MICU2: variants seen among roughly 807,000 people sequenced by gnomAD.
MICU2 encodes calcium uptake protein 2, mitochondrial.
In MICU2, 64 loss-of-function variants were observed where a neutral mutation model predicts 60.4. The observed-to-expected ratio is 1.06, with a 90% CI of 0.87 to 1.31. The LOEUF is 1.31. Among genes scored for constraint, MICU2 ranks in the 50% most tolerant of loss-of-function variants. The probability of loss-of-function intolerance (pLI) is 0.00; values close to 1 mark genes in which losing one functional copy is unlikely to be tolerated. For synonymous variants in MICU2, 201 were observed against 175.0 expected (o/e 1.15, Z -1.17); for missense variants, 569 against 531.0 (o/e 1.07, Z -0.70).
intron 2 of MICU2, among the ~76,000 whole-genome samples, chr13:21,564,428 C>A (rs1887925489): frequency 6.6e-6 from 1 of 152,102 alleles, no homozygotes; most frequent in Admixed American, 6.5e-5. Flanking sequence ...GAGGTAAGTT[C>A]TTTCAGTACT....
At chr13:21,602,574 G>A (rs533115669) in intron 1 of MICU2, among the ~76,000 whole-genome samples, 24 of 152,110 alleles carry the variant, frequency 1.6e-4, no homozygotes, top group African/African-American at 4.6e-4. Flanking sequence ...GATGAATCTA[G>A]GGGAGAGAAA....
At position 21,493,320 on chromosome 13, in the gene MICU2, T is replaced by C. The variant is rs1037474275; in HGVS notation, c.1234A>G (p.Lys412Glu). 8.1e-6 allele frequency: 13 copies of C among 1,610,532 alleles called. No individual in the cohort carries two copies. Among genetic ancestry groups the C allele is most frequent in the Non-Finnish European group, 1.1e-5 (13 of 1,178,686 alleles). The change falls in exon 12 of 12, where the codon AAG becomes GAG. Residue 412 changes from lysine (K) to glutamate (E), a missense_variant. Transcript: ENST00000382374. ...PQHQSIQEYW[K>E]CVKKESIKGV... ...TTAATGCTTTCTTTCTTCACACACT[T>C]CCAGTATTCTTGTATACTCTGATGT...
intron 2 of MICU2, among the ~76,000 whole-genome samples, 166 bp downstream of exon 2, chr13:21,566,631 T>C (rs1887988883): frequency 6.6e-6 from 1 of 151,982 alleles, no homozygotes; most frequent in African/African-American, 2.4e-5. Context: ...ATTTCTAAGA[T>C]AAATATAAAA....
intron 9 of MICU2, among the ~76,000 whole-genome samples, chr13:21,501,158 G>A (rs1347960988): frequency 6.6e-6 from 1 of 151,932 alleles, no homozygotes; most frequent in Non-Finnish European, 1.5e-5. Context: ...TTTTTCATAT[G>A]CTTAAGTCTA....
intron 1 of MICU2, among the ~76,000 whole-genome samples, chr13:21,574,465 T>C (rs1388056311): frequency 6.6e-6 from 1 of 152,214 alleles, no homozygotes; most frequent in African/African-American, 2.4e-5. Context: ...ATAAAAGAGA[T>C]CTTTGAAAGC....
chr13:21,544,515 T>TGA (rs1566154616), intron 2 of MICU2, among the ~76,000 whole-genome samples: 6 of 3,698 alleles, frequency 1.6e-3, no homozygotes, highest in Non-Finnish European at 7.0e-4. Flanking sequence ...AATAAACACA[T>TGA]GAAAAAAAAA....
intron 2 of MICU2, among the ~76,000 whole-genome samples, chr13:21,557,098 G>A (rs773040682): frequency 3.3e-5 from 5 of 152,180 alleles, no homozygotes; most frequent in Non-Finnish European, 7.3e-5. Context: ...TGGGAATGAT[G>A]GGATAGTTGA....
intron 8 of MICU2, among the ~76,000 whole-genome samples, chr13:21,506,391 C>A (rs994831569): frequency 3.9e-5 from 6 of 152,186 alleles, no homozygotes; most frequent in African/African-American, 1.4e-4. Context: ...AGGCCTTCTT[C>A]AAGTATGGCT....
chr13:21,595,682 T>C (rs1888677439), intron 1 of MICU2, among the ~76,000 whole-genome samples: 1 of 152,230 alleles, frequency 6.6e-6, no homozygotes, highest in South Asian at 2.1e-4. Context: ...CTTCCACCAA[T>C]GGTAGGCTCC....
chr13:21,585,341 G>A (rs1306908698), intron 1 of MICU2, among the ~76,000 whole-genome samples: 2 of 152,180 alleles, frequency 1.3e-5, no homozygotes, highest in East Asian at 3.8e-4. Context: ...TTGCAAGAAA[G>A]CTTTAGTCTT....
In MICU2 at chr13:21,604,104, G is replaced by A; in HGVS notation, c.45C>T (p.Gly15=). 6.3e-7 allele frequency: 1 copy of A among 1,584,082 alleles called. No homozygotes were observed. Among genetic ancestry groups the A allele is most frequent in the South Asian group, 1.1e-5 (1 of 88,004 alleles). Residue 15 remains glycine, a synonymous_variant, in exon 1 of 12, where the codon GGC becomes GGT. Transcript: ENST00000382374. The stretch of plus-strand genomic sequence containing the variant: ...CAGCGAGCCCCCGTCGCAGTTTTCC[G>A]CCCCAGGCCGCCACCCGCGCGCAGC... The part of the protein sequence containing the change: ...AGSCARVAAW[G]GKLRRGLAVS...
chr13:21,584,924 T>C (rs1888426155), intron 1 of MICU2, among the ~76,000 whole-genome samples: 2 of 152,214 alleles, frequency 1.3e-5, no homozygotes, highest in African/African-American at 4.8e-5. Flanking sequence ...ACATGGTTTA[T>C]AGAACAAGAA....
intron 8 of MICU2, among the ~76,000 whole-genome samples, chr13:21,503,969 A>C (rs1333294022): frequency 6.6e-6 from 1 of 152,222 alleles, no homozygotes; most frequent in African/African-American, 2.4e-5. Flanking sequence ...TCATCACTTA[A>C]AAAATGACTT....
chr13:21,556,825 G>A (rs962450241), intron 2 of MICU2, among the ~76,000 whole-genome samples: 5 of 152,158 alleles, frequency 3.3e-5, no homozygotes, highest in Non-Finnish European at 5.9e-5. Context: ...AAAGCAGCAA[G>A]AGTTGAGAAG....
chr13:21,578,695 G>A (rs1888281032), intron 1 of MICU2, among the ~76,000 whole-genome samples: 1 of 152,140 alleles, frequency 6.6e-6, no homozygotes, highest in African/African-American at 2.4e-5. Context: ...AATATCTTTA[G>A]ATAACCAGGT....
chr13:21,593,555 CAA>C (rs140855681), intron 1 of MICU2, among the ~76,000 whole-genome samples: 2,752 of 41,672 alleles, frequency 0.066, 95 homozygotes, highest in African/African-American at 0.2. Context: ...CCCCATATTG[CAA>C]AGACAATCCT....
At chr13:21,548,519 T>C (rs1257933670) in intron 2 of MICU2, among the ~76,000 whole-genome samples, 2 of 152,198 alleles carry the variant, frequency 1.3e-5, no homozygotes, top group African/African-American at 4.8e-5. Context: ...CTACAGGTCT[T>C]CTCACATTCT....
At position 21,571,399 on chromosome 13, in the gene MICU2, A is replaced by T. The variant is rs76663261; in HGVS notation, c.211-4455T>A. 4.9e-3 allele frequency among the ~76,000 whole-genome samples: 752 copies of T among 152,208 alleles called. 8 individuals carry two copies. Among genetic ancestry groups the T allele is most frequent in the African/African-American group, 0.016 (679 of 41,550 alleles). On this transcript the variant is annotated intron_variant, in intron 1 of 11. Transcript: ENST00000382374. Reference sequence around the variant, plus strand: ...TAAAAATAATAGAAATTAAAATTTTAAAAAAAATCAATATTAGGCTGGGCA... The same window carrying T: ...TAAAAATAATAGAAATTAAAATTTTTAAAAAAATCAATATTAGGCTGGGCA...
At chr13:21,523,015 G>C (rs1324812707) in intron 4 of MICU2, among the ~76,000 whole-genome samples, 1 of 152,140 alleles carries the variant, frequency 6.6e-6, no homozygotes, top group Non-Finnish European at 1.5e-5. Flanking sequence ...GTGTGGGTGG[G>C]CATTATCCAC....
Sources: allele counts gnomAD v4.1 joint callset (sites outside exome capture counted in the v4.1 genomes callset), GRCh38; gene constraint gnomAD v4.1.1; transcripts MANE v1.5; gene names NCBI Gene and HGNC (gene_info 2026-07-23, HGNC 2026-07-21).